The following SLC23A2 variants were observed in gnomAD, a reference collection of about 807,000 sequenced individuals.
The protein encoded by SLC23A2 is Na(+)/L-ascorbic acid transporter 2.
SLC23A2 carries 36 observed loss-of-function variants against 73.3 expected under a neutral mutation model. The ratio of observed to expected loss-of-function variants is 0.49; its 90% CI spans 0.38 to 0.65. SLC23A2 has a LOEUF of 0.65. SLC23A2 is among the 30% of genes least tolerant of loss of function. The pLI is 0.00. For missense variants in SLC23A2, 507 were observed against 841.6 expected (o/e 0.60, Z 4.92); for synonymous variants, 343 against 327.3 (o/e 1.05, Z -0.52).
rs184146099 is a variant in SLC23A2, at chr20:4,876,067, C to T, written c.825-1371G>A. On this transcript the variant is annotated intron_variant, in intron 9 of 16. Coordinates refer to ENST00000338244, the MANE Select transcript of SLC23A2 (RefSeq NM_005116.6). The stretch of plus-strand genomic sequence containing the variant: ...GTCTCTGCCAGTACCAGTTCAAGGT[C>T]GAAAACACACACAGTGCCCACGTTA... Among the ~76,000 whole-genome samples, 842 of 152,090 alleles carry T rather than the reference C, an allele frequency of 5.5e-3. 4 individuals carry two copies. The highest frequency in any genetic ancestry group is 8.1e-3 in the Admixed American group (124 of 15,252).
At chr20:4,952,333 T>G (rs2087216546) in intron 2 of SLC23A2, among the ~76,000 whole-genome samples, 1 of 152,180 alleles carries the variant, frequency 6.6e-6, no homozygotes, top group African/African-American at 2.4e-5. Context: ...AATGTTTGGT[T>G]TGCTTAAGTG....
intron 3 of SLC23A2, among the ~76,000 whole-genome samples, chr20:4,922,198 G>A (rs529593712): frequency 3.5e-4 from 53 of 152,276 alleles, no homozygotes; most frequent in Admixed American, 2.5e-3. Context: ...TTTAGAAGTG[G>A]GGATTCACCT....
At chr20:4,942,264 AG>A (rs2087053681) in intron 2 of SLC23A2, among the ~76,000 whole-genome samples, 1 of 152,090 alleles carries the variant, frequency 6.6e-6, no homozygotes, top group African/African-American at 2.4e-5. Flanking sequence ...AAGAGAGTGG[AG>A]AAAAGCCAAG....
At position 4,998,083 on chromosome 20, in the gene SLC23A2, A is replaced by C. The variant is rs888794805; in HGVS notation, c.-282+3323T>G. Reference sequence around the variant, plus strand: ...TATACGAAACAAATTTCCGTTGTTTAAGCCACCCACACTGTGCTATTTTTG... The same window carrying C: ...TATACGAAACAAATTTCCGTTGTTTCAGCCACCCACACTGTGCTATTTTTG... On this transcript the variant is annotated intron_variant, in intron 1 of 16. Coordinates refer to ENST00000338244, the MANE Select transcript of SLC23A2 (RefSeq NM_005116.6). This position sits in a 1 kb window ranked among gnomAD's most constrained non-coding sequence, Gnocchi z 4.1. Among the ~76,000 whole-genome samples, 1 of 152,188 alleles carries C rather than the reference A, an allele frequency of 6.6e-6. No homozygotes were observed. Among genetic ancestry groups the C allele is most frequent in the Non-Finnish European group, 1.5e-5 (1 of 68,028 alleles).
At chr20:4,960,790 A>C (rs2087369621) in intron 2 of SLC23A2, among the ~76,000 whole-genome samples, 1 of 152,246 alleles carries the variant, frequency 6.6e-6, no homozygotes, top group African/African-American at 2.4e-5. Flanking sequence ...GAAATGTTTC[A>C]ATTTCCTTAA....
chr20:4,977,357 T>C (rs1381604128), intron 1 of SLC23A2, among the ~76,000 whole-genome samples: 1 of 152,160 alleles, frequency 6.6e-6, no homozygotes, highest in Non-Finnish European at 1.5e-5. Context: ...TTAACCATTA[T>C]TAATGAACAC....
At chr20:5,001,009 G>C (rs1017224050) in intron 1 of SLC23A2, among the ~76,000 whole-genome samples, 1 of 152,184 alleles carries the variant, frequency 6.6e-6, no homozygotes, top group Non-Finnish European at 1.5e-5. Flanking sequence ...AGCGACCCCA[G>C]GACGCGCGGG....
intron 4 of SLC23A2, among the ~76,000 whole-genome samples, chr20:4,905,509 CTT>C (rs1931912119): frequency 6.6e-6 from 1 of 152,220 alleles, no homozygotes; most frequent in Non-Finnish European, 1.5e-5. Flanking sequence ...AATTACGTCA[CTT>C]TACAAAGACT....
chr20:4,981,913 G>T (rs1302164796), intron 1 of SLC23A2, among the ~76,000 whole-genome samples: 1 of 152,132 alleles, frequency 6.6e-6, no homozygotes, highest in Non-Finnish European at 1.5e-5. Flanking sequence ...GTGATAGCCA[G>T]GATGGTCTCG....
chr20:4,904,740 T>C (rs912536183), intron 4 of SLC23A2, among the ~76,000 whole-genome samples: 1 of 152,242 alleles, frequency 6.6e-6, no homozygotes, highest in East Asian at 1.9e-4. Flanking sequence ...AACCCTATCA[T>C]AGACTAGTAC....
At chr20:4,983,279 C>G (rs1456047713) in intron 1 of SLC23A2, among the ~76,000 whole-genome samples, 1 of 152,012 alleles carries the variant, frequency 6.6e-6, no homozygotes. Context: ...AGATATGACA[C>G]CAAAATCACA....
At chr20:4,990,971 C>CAAA (rs1198847840) in intron 1 of SLC23A2, among the ~76,000 whole-genome samples, 18 of 56,722 alleles carry the variant, frequency 3.2e-4, no homozygotes, top group East Asian at 1.7e-3. Flanking sequence ...AACTCCATCT[C>CAAA]AAAAAAAAAA....
intron 2 of SLC23A2, among the ~76,000 whole-genome samples, chr20:4,936,118 G>T (rs1184732204): frequency 6.6e-6 from 1 of 152,124 alleles, no homozygotes; most frequent in Non-Finnish European, 1.5e-5. Context: ...CATCATGTTT[G>T]TGTAGCCAAA....
chr20:4,974,509 C>A (rs1389334035), intron 1 of SLC23A2, among the ~76,000 whole-genome samples: 1 of 151,866 alleles, frequency 6.6e-6, no homozygotes, highest in Non-Finnish European at 1.5e-5. Context: ...AAATAAAAAG[C>A]AAAAACCAAA....
chr20:4,945,797 C>T (rs1255402615), intron 2 of SLC23A2, among the ~76,000 whole-genome samples: 2 of 152,294 alleles, frequency 1.3e-5, no homozygotes, highest in East Asian at 3.9e-4. Context: ...GATGGAAAAA[C>T]TCTGCACACT....
In SLC23A2 at chr20:4,943,136, C is replaced by T. The variant is rs1362583728; in HGVS notation, c.-154-10420G>A. On this transcript the variant is annotated intron_variant, in intron 2 of 16. Transcript: ENST00000338244. ...GCTCTTTACAAGGAAGTACACAGGG[C>T]GGGGGGTGGGGCGGTGTGGAGAAGA... Among the ~76,000 whole-genome samples, 8 of 110,152 alleles carry T rather than the reference C, an allele frequency of 7.3e-5. No individual in the cohort carries two copies. The East Asian group carries it at 1.0e-3, about 14-fold the overall frequency. 72.3% of individuals were successfully genotyped at this position (110,152 alleles called of 152,430 possible).
intron 1 of SLC23A2, among the ~76,000 whole-genome samples, chr20:4,986,896 T>C (rs1460392410): frequency 6.6e-6 from 1 of 152,076 alleles, no homozygotes; most frequent in African/African-American, 2.4e-5. Flanking sequence ...TATTTGACCC[T>C]GGTATCTACT....
intron 1 of SLC23A2, among the ~76,000 whole-genome samples, chr20:4,974,982 T>A (rs781591831): frequency 2.6e-5 from 4 of 152,176 alleles, no homozygotes; most frequent in African/African-American, 4.8e-5. Context: ...AGATGGGGTT[T>A]CATCATGTTG....
intron 1 of SLC23A2, among the ~76,000 whole-genome samples, chr20:4,983,646 T>TAA (rs35983102): frequency 1.3e-4 from 11 of 86,174 alleles, no homozygotes; most frequent in East Asian, 1.1e-3. Flanking sequence ...ACTCCGTCTT[T>TAA]AAAAAAAAAA....
Sources: allele counts gnomAD v4.1 joint callset (sites outside exome capture counted in the v4.1 genomes callset), GRCh38; gene constraint gnomAD v4.1.1; non-coding constraint Gnocchi (gnomAD v3.1); transcripts MANE v1.5; gene names NCBI Gene and HGNC (gene_info 2026-07-23, HGNC 2026-07-21).